The following ADSS2 variants were observed in gnomAD, a reference collection of about 807,000 sequenced individuals.
ADSS2 encodes the protein adenylosuccinate synthase 2.
A neutral mutation model predicts 60.0 loss-of-function variants in ADSS2; 30 were observed. The ratio of observed to expected loss-of-function variants is 0.50; its 90% CI spans 0.37 to 0.68. The LOEUF is 0.68. ADSS2 is among the 30% of genes least tolerant of loss of function. ADSS2 has a pLI of 0.00. For synonymous variants in ADSS2, 187 were observed against 193.1 expected (o/e 0.97, Z 0.26); for missense variants, 373 against 554.8 (o/e 0.67, Z 3.29).
intron 8 of ADSS2, among the ~76,000 whole-genome samples, 160 bp downstream of exon 8, chr1:244,420,010 C>G (rs1664639346): frequency 6.6e-6 from 1 of 152,110 alleles, no homozygotes; most frequent in South Asian, 2.1e-4. Context: ...CTGCAATATT[C>G]CTTTAAAAAG....
chr1:244,449,092 T>C (rs969193271), intron 1 of ADSS2, among the ~76,000 whole-genome samples: 7 of 152,178 alleles, frequency 4.6e-5, no homozygotes, highest in Admixed American at 1.3e-4. Context: ...ACCTACCAAG[T>C]TATAAATAAC....
At chr1:244,417,073 G>A (rs1664551194) in intron 10 of ADSS2, among the ~76,000 whole-genome samples, 1 of 152,128 alleles carries the variant, frequency 6.6e-6, no homozygotes, top group Non-Finnish European at 1.5e-5. Context: ...AACTTTCCCT[G>A]AGCACTTTCA....
At chr1:244,450,949 T>C (rs1665556174) in intron 1 of ADSS2, among the ~76,000 whole-genome samples, 1 of 152,202 alleles carries the variant, frequency 6.6e-6, no homozygotes, top group South Asian at 2.1e-4. Flanking sequence ...TGGGACCAAC[T>C]AGTAAAAGTA....
intron 1 of ADSS2, among the ~76,000 whole-genome samples, chr1:244,438,344 G>A (rs1665153033): frequency 6.6e-6 from 1 of 152,194 alleles, no homozygotes; most frequent in Non-Finnish European, 1.5e-5. Flanking sequence ...GTTAGTGACA[G>A]ATCCCTAGAA....
At chr1:244,441,598 T>A (rs1665249713) in intron 1 of ADSS2, among the ~76,000 whole-genome samples, 1 of 152,078 alleles carries the variant, frequency 6.6e-6, no homozygotes, top group Non-Finnish European at 1.5e-5. Flanking sequence ...TGTCTCAGCC[T>A]CCTGAGTCCC....
At chr1:244,424,161 T>C (rs1465052112) in intron 5 of ADSS2, 101 bp from the exon 6 acceptor site, 1 of 1,193,392 alleles carries the variant, frequency 8.4e-7, no homozygotes, top group Admixed American at 2.5e-5. Context: ...CTATTTTCTG[T>C]TTATGTTATT....
intron 4 of ADSS2, among the ~76,000 whole-genome samples, chr1:244,429,859 G>A (rs1246892379): frequency 6.6e-6 from 1 of 152,054 alleles, no homozygotes; most frequent in East Asian, 1.9e-4. Context: ...TCCCGCCTGG[G>A]TGACAGAATG....
At chr1:244,426,411 T>C (rs1427158994) in intron 4 of ADSS2, among the ~76,000 whole-genome samples, 1 of 152,118 alleles carries the variant, frequency 6.6e-6, no homozygotes, top group Middle Eastern at 3.2e-3. Flanking sequence ...CAGGAAGCAA[T>C]TACTGTAATC....
At chr1:244,421,216 T>C (rs1664668866) in intron 7 of ADSS2, among the ~76,000 whole-genome samples, 1 of 152,240 alleles carries the variant, frequency 6.6e-6, no homozygotes, top group Admixed American at 6.5e-5. Context: ...TCTCAAAACA[T>C]TTAATTGTTA....
chr1:244,440,026 G>A (rs971311118), intron 1 of ADSS2, among the ~76,000 whole-genome samples: 1 of 152,162 alleles, frequency 6.6e-6, no homozygotes, highest in African/African-American at 2.4e-5. Context: ...GCTGGGGGTG[G>A]GGAAGGGGTG....
intron 1 of ADSS2, among the ~76,000 whole-genome samples, chr1:244,444,514 C>CAAAAAAAAAAAAAA (rs56001597): frequency 3.3e-4 from 14 of 42,548 alleles, no homozygotes; most frequent in East Asian, 8.1e-4. Flanking sequence ...GACTCCATCT[C>CAAAAAAAAAAAAAA]AAAAAAAAAA....
In ADSS2 at chr1:244,451,734, G is replaced by C; in HGVS notation, c.84C>G (p.Asn28Lys). ...CGRPRARPGGNRVTVVLGAQW... is the reference protein window; with the variant it reads ...CGRPRARPGGKRVTVVLGAQW... The stretch of plus-strand genomic sequence containing the variant: ...GCGCACCGAGCACCACCGTCACCCG[G>C]TTTCCTCCGGGCCGCGCCCTGGGGC... The change falls in exon 1 of 13, where the codon AAC becomes AAG. Residue 28 changes from asparagine to lysine, a missense_variant. This residue lies in a region of ADSS2 where 47 missense variants were observed against 48.3 expected (regional missense o/e 0.97). Coordinates refer to ENST00000366535, the MANE Select transcript of ADSS2 (RefSeq NM_001126.5). The surrounding 1 kb of genome is among the most constrained non-coding windows in gnomAD (Gnocchi z 6.6). 6.2e-7 allele frequency: 1 copy of C among 1,608,108 alleles called. No homozygotes were observed. Among genetic ancestry groups the C allele is most frequent in the Non-Finnish European group, 8.5e-7 (1 of 1,177,586 alleles).
At chr1:244,446,590 T>C (rs1665390053) in intron 1 of ADSS2, among the ~76,000 whole-genome samples, 1 of 152,240 alleles carries the variant, frequency 6.6e-6, no homozygotes, top group Non-Finnish European at 1.5e-5. Flanking sequence ...CCTTATATTT[T>C]AGACCTAACA....
chr1:244,417,353 G>A (rs1664557160), intron 10 of ADSS2, among the ~76,000 whole-genome samples: 1 of 152,096 alleles, frequency 6.6e-6, no homozygotes, highest in African/African-American at 2.4e-5. Context: ...CTGTCTATCT[G>A]TCCACCTATC....
chr1:244,419,933 T>C (rs1216797924), intron 8 of ADSS2, among the ~76,000 whole-genome samples: 1 of 152,178 alleles, frequency 6.6e-6, no homozygotes, highest in Non-Finnish European at 1.5e-5. Context: ...ACCTCAGACC[T>C]ACTGAACTCA....
chr1:244,436,075 T>C (rs1665094458), intron 3 of ADSS2, among the ~76,000 whole-genome samples: 2 of 152,198 alleles, frequency 1.3e-5, no homozygotes, highest in Non-Finnish European at 2.9e-5. Flanking sequence ...CTGGAAACAC[T>C]GAATAAACTG....
intron 11 of ADSS2, among the ~76,000 whole-genome samples, chr1:244,414,993 T>C (rs1664496122): frequency 6.6e-6 from 1 of 152,252 alleles, no homozygotes; most frequent in Non-Finnish European, 1.5e-5. Context: ...TCTACTACAC[T>C]TCTTGGATAC....
intron 11 of ADSS2, 134 bp from the exon 12 acceptor site, chr1:244,411,570 G>T: frequency 2.2e-6 from 2 of 899,018 alleles, no homozygotes; most frequent in East Asian, 2.5e-5. Flanking sequence ...GAATTCTTCA[G>T]GTAGTAGAAA....
chr1:244,420,049 TC>T, intron 8 of ADSS2, 120 bp downstream of exon 8: 1 of 1,049,972 alleles, frequency 9.5e-7, no homozygotes, highest in Non-Finnish European at 1.3e-6. Flanking sequence ...ATTTCATCAT[TC>T]CTGAATATAC....
Sources: gnomAD v4.1 joint callset for allele counts (sites outside exome capture counted in the v4.1 genomes callset) on GRCh38, gnomAD v4.1.1 for gene constraint, gnomAD v4.1.1 regional missense constraint, Gnocchi (gnomAD v3.1) non-coding constraint, MANE v1.5 for transcripts, NCBI Gene and HGNC (gene_info 2026-07-23, HGNC 2026-07-21) for gene names.